The following ZNF385D variants were observed in gnomAD, a reference collection of about 807,000 sequenced individuals.
ZNF385D encodes the protein zinc finger protein 659.
A neutral mutation model predicts 35.8 loss-of-function variants in ZNF385D; 15 were observed. The observed-to-expected ratio is 0.42, with a 90% CI of 0.28 to 0.64. The LOEUF is 0.64. Ranked by LOEUF, ZNF385D falls within the 30% of genes least tolerant of loss-of-function variation. ZNF385D has a pLI of 0.23. For missense variants in ZNF385D, 474 were observed against 494.6 expected (o/e 0.96, Z 0.39); for synonymous variants, 212 against 186.8 (o/e 1.13, Z -1.10).
chr3:21,930,987 T>A (rs1700976768), intron 3 of ZNF385D, among the ~76,000 whole-genome samples: 1 of 152,096 alleles, frequency 6.6e-6, no homozygotes, highest in Non-Finnish European at 1.5e-5. Context: ...GAAACTTCTG[T>A]GCTTTAAAAA....
At chr3:21,818,783 A>AT (rs1182791583) in intron 3 of ZNF385D, among the ~76,000 whole-genome samples, 2 of 151,910 alleles carry the variant, frequency 1.3e-5, no homozygotes, top group Non-Finnish European at 2.9e-5. Context: ...ATATTTTTGT[A>AT]TTTTTTAATA....
intron 2 of ZNF385D, among the ~76,000 whole-genome samples, chr3:21,651,055 A>G (rs1008882856): frequency 1.2e-4 from 18 of 151,870 alleles, no homozygotes; most frequent in African/African-American, 4.1e-4. Flanking sequence ...TGAGGCGGGC[A>G]GATCATGAGG....
chr3:22,247,747 G>C (rs1400434386), intron 2 of ZNF385D, among the ~76,000 whole-genome samples: 1 of 151,898 alleles, frequency 6.6e-6, no homozygotes, highest in African/African-American at 2.4e-5. Flanking sequence ...TGGGACTACA[G>C]GCACATGCCA....
chr3:22,117,952 A>G (rs1330637408), intron 3 of ZNF385D, among the ~76,000 whole-genome samples: 1 of 152,076 alleles, frequency 6.6e-6, no homozygotes, highest in South Asian at 2.1e-4. Flanking sequence ...CCTCTCATGG[A>G]TATTACAGAA....
At chr3:21,857,106 C>A (rs1334263153) in intron 3 of ZNF385D, among the ~76,000 whole-genome samples, 1 of 152,038 alleles carries the variant, frequency 6.6e-6, no homozygotes, top group Non-Finnish European at 1.5e-5. Context: ...CTGTAGTAAC[C>A]TGATCTCAGC....
At chr3:21,728,438 T>C (rs982304783) in intron 1 of ZNF385D, among the ~76,000 whole-genome samples, 29 of 152,084 alleles carry the variant, frequency 1.9e-4, no homozygotes, top group African/African-American at 6.8e-4. Flanking sequence ...TGTGACAGCA[T>C]TGCAGGACAC....
intron 3 of ZNF385D, among the ~76,000 whole-genome samples, chr3:21,930,860 G>A (rs1262851112): frequency 6.6e-6 from 1 of 151,950 alleles, no homozygotes; most frequent in Non-Finnish European, 1.5e-5. Flanking sequence ...TGAACTATGA[G>A]ATATACAGGA....
At chr3:21,940,596 G>A (rs1210547323) in intron 3 of ZNF385D, among the ~76,000 whole-genome samples, 1 of 152,082 alleles carries the variant, frequency 6.6e-6, no homozygotes, top group Non-Finnish European at 1.5e-5. Context: ...TAGTCTATAT[G>A]CTATCAAGGA....
chr3:21,996,611 C>G (rs923697903), intron 3 of ZNF385D, among the ~76,000 whole-genome samples: 1 of 152,180 alleles, frequency 6.6e-6, no homozygotes, highest in South Asian at 2.1e-4. Context: ...ATTTATTTCT[C>G]ACATATGTTT....
chr3:22,089,645 TG>T (rs1421998124), intron 3 of ZNF385D, among the ~76,000 whole-genome samples: 1 of 152,180 alleles, frequency 6.6e-6, no homozygotes, highest in Non-Finnish European at 1.5e-5. Flanking sequence ...CAGTGAGGTT[TG>T]GATCTCTGCC....
intron 1 of ZNF385D, among the ~76,000 whole-genome samples, chr3:21,731,017 TGGG>T (rs2068971567): frequency 6.6e-6 from 1 of 152,230 alleles, no homozygotes; most frequent in Non-Finnish European, 1.5e-5. Context: ...AGTAAACTTT[TGGG>T]AATATACAGT....
intron 3 of ZNF385D, among the ~76,000 whole-genome samples, chr3:21,962,978 C>A (rs779051629): frequency 7.2e-5 from 11 of 152,300 alleles, no homozygotes; most frequent in Middle Eastern, 6.8e-3. Flanking sequence ...TTATCTCTGA[C>A]AACTAGTGTT....
At chr3:21,629,022 C>G (rs1214189193) in intron 2 of ZNF385D, among the ~76,000 whole-genome samples, 1 of 151,956 alleles carries the variant, frequency 6.6e-6, no homozygotes, top group Non-Finnish European at 1.5e-5. Context: ...CTCTGGCAAC[C>G]AATACTGACC....
intron 3 of ZNF385D, among the ~76,000 whole-genome samples, chr3:22,161,244 T>C (rs950485361): frequency 1.2e-4 from 18 of 152,098 alleles, no homozygotes; most frequent in African/African-American, 4.3e-4. Flanking sequence ...AACATTGTTA[T>C]AATGCTTGTA....
chr3:22,207,250 G>C (rs1697218357), intron 2 of ZNF385D, among the ~76,000 whole-genome samples: 2 of 151,890 alleles, frequency 1.3e-5, no homozygotes, highest in Non-Finnish European at 2.9e-5. Flanking sequence ...CAATGGAACA[G>C]ATACGGTCTA....
At chr3:22,021,272 C>T (rs549748662) in intron 3 of ZNF385D, among the ~76,000 whole-genome samples, 1 of 151,920 alleles carries the variant, frequency 6.6e-6, no homozygotes, top group Non-Finnish European at 1.5e-5. Flanking sequence ...AAAGACTCAA[C>T]ATGTGAAGCA....
In ZNF385D at chr3:21,503,217, A is replaced by G. The variant is rs1473626944; in HGVS notation, c.439+7644T>C. 2.0e-5 allele frequency among the ~76,000 whole-genome samples: 3 copies of G among 152,220 alleles called. No homozygotes were observed. The East Asian group carries it at 5.8e-4, about 29-fold the overall frequency. ...ATAGTAGCGTACATCAGGAACAGGT[A>G]TTAAAGACAGAATCTTACATAAAAA... is the stretch of plus-strand genomic sequence containing the variant. On this transcript the variant is annotated intron_variant, in intron 4 of 7. Coordinates refer to ENST00000281523, the MANE Select transcript of ZNF385D (RefSeq NM_024697.3).
chr3:22,208,129 A>G (rs897688682), intron 2 of ZNF385D, among the ~76,000 whole-genome samples: 5 of 151,946 alleles, frequency 3.3e-5, no homozygotes, highest in African/African-American at 1.2e-4. Context: ...ATATAAAATA[A>G]CATGCTGCTC....
chr3:21,828,045 C>G (rs1462307800), intron 3 of ZNF385D, among the ~76,000 whole-genome samples: 1 of 152,196 alleles, frequency 6.6e-6, no homozygotes, highest in Non-Finnish European at 1.5e-5. Flanking sequence ...TGGTTTTCCT[C>G]CCTGCCCTGT....
Sources: allele counts gnomAD v4.1 joint callset (sites outside exome capture counted in the v4.1 genomes callset), GRCh38; gene constraint gnomAD v4.1.1; transcripts MANE v1.5; gene names NCBI Gene and HGNC (gene_info 2026-07-23, HGNC 2026-07-21).